Variants in PTPRK observed in about 807,000 individuals in gnomAD.
PTPRK encodes the protein protein tyrosine phosphatase receptor type K, also known as receptor-type tyrosine-protein phosphatase kappa.
PTPRK carries 75 observed loss-of-function variants against 178.0 expected under a neutral mutation model. That is an observed-to-expected ratio of 0.42 (90% CI 0.35 to 0.51). The LOEUF is 0.51. Among genes scored for constraint, PTPRK ranks in the 20% least tolerant of loss-of-function variants. The probability of loss-of-function intolerance (pLI) is 0.02; values close to 1 mark genes in which losing one functional copy is unlikely to be tolerated. For missense variants in PTPRK, 1,441 were observed against 1,797.8 expected, an observed-to-expected ratio of 0.80 and a Z score of 3.59; for synonymous variants, 637 against 620.6, an observed-to-expected ratio of 1.03 and a Z score of -0.39.
At chr6:128,381,489 T>TA (rs920617646) in intron 2 of PTPRK, among the ~76,000 whole-genome samples, 25 of 151,322 alleles carry the variant, frequency 1.7e-4, no homozygotes, top group South Asian at 4.2e-4. Context: ...TCCTTGCTTT[T>TA]AAAAAAAAAG....
At chr6:128,268,660 TTG>T (rs1463370738) in intron 3 of PTPRK, among the ~76,000 whole-genome samples, 1 of 152,080 alleles carries the variant, frequency 6.6e-6, no homozygotes. Flanking sequence ...AACAATTCAT[TTG>T]TTTTACAATC....
intron 2 of PTPRK, among the ~76,000 whole-genome samples, chr6:128,384,827 T>C (rs1326615807): frequency 6.6e-6 from 1 of 151,894 alleles, no homozygotes; most frequent in Non-Finnish European, 1.5e-5. Context: ...GTTTTATCTC[T>C]GTTAAAATAA....
At chr6:128,136,790 T>C (rs1795082448) in intron 7 of PTPRK, among the ~76,000 whole-genome samples, 1 of 152,218 alleles carries the variant, frequency 6.6e-6, no homozygotes, top group South Asian at 2.1e-4. Flanking sequence ...AGAAAATGCA[T>C]TCTTCACTCT....
At chr6:128,060,589 T>C (rs147640862) in intron 13 of PTPRK, among the ~76,000 whole-genome samples, 315 of 152,254 alleles carry the variant, frequency 2.1e-3, no homozygotes, top group African/African-American at 6.8e-3. Context: ...CTATAGAATA[T>C]GGTCATAAGA....
chr6:128,281,245 T>A (rs1000044264), intron 3 of PTPRK, among the ~76,000 whole-genome samples: 8 of 152,174 alleles, frequency 5.3e-5, no homozygotes, highest in African/African-American at 4.8e-5. Context: ...GCCAGCCAGA[T>A]GTGGACTTCT....
chr6:128,274,455 GA>G (rs1292747070), intron 3 of PTPRK, among the ~76,000 whole-genome samples: 1 of 151,990 alleles, frequency 6.6e-6, no homozygotes, highest in Non-Finnish European at 1.5e-5. Flanking sequence ...AACATACTGT[GA>G]AAATACTATT....
At chr6:128,406,232 G>A (rs753031630) in intron 1 of PTPRK, among the ~76,000 whole-genome samples, 5 of 151,820 alleles carry the variant, frequency 3.3e-5, no homozygotes, top group Admixed American at 1.3e-4. Context: ...CAGCCTGGGT[G>A]GCAGAGTGAG....
chr6:128,514,370 ATGTGTG>A (rs146438569), intron 1 of PTPRK, among the ~76,000 whole-genome samples: 8,548 of 148,338 alleles, frequency 0.058, 1,034 homozygotes, highest in East Asian at 0.56. Flanking sequence ...CATTGTTAAG[ATGTGTG>A]TGTGTGTGTG....
At chr6:128,135,389 T>C (rs1794881100) in intron 7 of PTPRK, among the ~76,000 whole-genome samples, 1 of 152,210 alleles carries the variant, frequency 6.6e-6, no homozygotes, top group Non-Finnish European at 1.5e-5. Context: ...CACTGTGCCA[T>C]GGTCCACCTT....
chr6:128,419,439 C>T (rs1310173578), intron 1 of PTPRK, among the ~76,000 whole-genome samples: 2 of 132,588 alleles, frequency 1.5e-5, no homozygotes, highest in African/African-American at 2.9e-5. Context: ...GGTGAAACCC[C>T]GTCTCTACTA....
At position 127,969,877 on chromosome 6, in the gene PTPRK, A is replaced by G; in HGVS notation, c.*350T>C. ...TTAGAAAGGGAGAAAAATGCCACGTAGAAAGTATGAACTCATGCAACATGT... is the reference window on the plus strand; with the variant it reads ...TTAGAAAGGGAGAAAAATGCCACGTGGAAAGTATGAACTCATGCAACATGT... On this transcript the variant is annotated 3_prime_UTR_variant, in exon 30 of 30. Transcript: ENST00000368226. 5.7e-6 allele frequency: 1 copy of G among 174,688 alleles called. No individual in the cohort carries two copies. The highest frequency in any genetic ancestry group is 1.2e-5 in the Non-Finnish European group (1 of 83,228). 10.8% of individuals were successfully genotyped at this position (174,688 alleles called of 1,614,324 possible).
chr6:128,144,835 G>C (rs1013750858), intron 7 of PTPRK, among the ~76,000 whole-genome samples: 9 of 152,018 alleles, frequency 5.9e-5, no homozygotes, highest in African/African-American at 9.7e-5. Flanking sequence ...TATCATCACA[G>C]GTTTCTGGAG....
At chr6:128,125,791 G>A (rs2114427648) in intron 7 of PTPRK, among the ~76,000 whole-genome samples, 1 of 151,560 alleles carries the variant, frequency 6.6e-6, no homozygotes, top group South Asian at 2.1e-4. Context: ...TGTATTTTTA[G>A]TAGAGACAGG....
intron 1 of PTPRK, among the ~76,000 whole-genome samples, chr6:128,488,902 G>C (rs2128427941): frequency 6.6e-6 from 1 of 150,754 alleles, no homozygotes; most frequent in East Asian, 2.0e-4. Flanking sequence ...TGTTTTAAAA[G>C]TAGGATAAGT....
chr6:127,997,545 G>T (rs1777298805), intron 16 of PTPRK, among the ~76,000 whole-genome samples: 1 of 152,022 alleles, frequency 6.6e-6, no homozygotes, highest in Non-Finnish European at 1.5e-5. Flanking sequence ...GGGAACAGAA[G>T]AATTTGTTGA....
chr6:128,118,047 C>T (rs888640242), intron 7 of PTPRK, among the ~76,000 whole-genome samples: 1 of 152,124 alleles, frequency 6.6e-6, no homozygotes, highest in African/African-American at 2.4e-5. Context: ...AACAAGAAGT[C>T]GTCCTCATTA....
chr6:128,446,242 C>T (rs1847006398), intron 1 of PTPRK, among the ~76,000 whole-genome samples: 1 of 152,134 alleles, frequency 6.6e-6, no homozygotes, highest in Non-Finnish European at 1.5e-5. Flanking sequence ...GCACCTCTAC[C>T]ATGCCAGCTG....
intron 2 of PTPRK, among the ~76,000 whole-genome samples, chr6:128,379,745 T>C (rs955995093): frequency 2.0e-5 from 3 of 152,190 alleles, no homozygotes; most frequent in African/African-American, 7.2e-5. Flanking sequence ...TATGAAACAT[T>C]TGGTAAGTCA....
At chr6:128,202,598 C>T (rs1189873461) in intron 6 of PTPRK, among the ~76,000 whole-genome samples, 1 of 152,086 alleles carries the variant, frequency 6.6e-6, no homozygotes, top group Non-Finnish European at 1.5e-5. Context: ...GGAATTCCAG[C>T]CAGACAGTGC....
Sources: allele counts gnomAD v4.1 joint callset (sites outside exome capture counted in the v4.1 genomes callset), GRCh38; gene constraint gnomAD v4.1.1; transcripts MANE v1.5; gene names NCBI Gene and HGNC (gene_info 2026-07-23, HGNC 2026-07-21).